Variants in LIPC observed in about 807,000 individuals in gnomAD.
LIPC encodes the protein lipase C, hepatic type.
Under a neutral mutation model 50.7 loss-of-function variants are expected in LIPC, and 44 were observed. The ratio of observed to expected loss-of-function variants is 0.87; its 90% CI spans 0.68 to 1.11. The LOEUF (loss-of-function observed/expected upper bound fraction) is 1.11. Among genes scored for constraint, LIPC ranks in the 50% most tolerant of loss-of-function variants. The probability of loss-of-function intolerance (pLI) is 0.00; values close to 1 mark genes in which losing one functional copy is unlikely to be tolerated. For synonymous variants in LIPC, 271 were observed against 256.4 expected, an observed-to-expected ratio of 1.06 and a Z score of -0.54; for missense variants, 697 against 648.2, an observed-to-expected ratio of 1.08 and a Z score of -0.82.
chr15:58,463,943 A>T (rs1158276991), intron 1 of LIPC, among the ~76,000 whole-genome samples: 1 of 152,230 alleles, frequency 6.6e-6, no homozygotes, highest in Non-Finnish European at 1.5e-5. Flanking sequence ...CTTTTAACAG[A>T]TAGTTACATT....
At chr15:58,436,855 A>T (rs1893315328) in intron 1 of LIPC, 1 of 456,322 alleles carries the variant, frequency 2.2e-6, no homozygotes, top group Non-Finnish European at 4.4e-6. Flanking sequence ...TAGCAGAGGT[A>T]CACAGCTGAT....
Position 58,467,619 on chromosome 15 carries a change from G to A in LIPC, c.88+35499G>A, listed in dbSNP as rs550269689. Among the ~76,000 whole-genome samples, 5 of 152,140 alleles carry A rather than the reference G, an allele frequency of 3.3e-5. No homozygotes were observed. In the South Asian group the frequency reaches 6.2e-4, roughly 19 times the overall value. ...CTGGCCTTCCTGCCGACATTTGCTC[G>A]GCTACTTTTTCCTCCTAATTAATGC... On this transcript the variant is annotated intron_variant, in intron 1 of 8. Transcript: ENST00000299022.
chr15:58,503,887 G>A lies in LIPC; in HGVS notation c.89-34446G>A, dbSNP rs1416896995. Among the ~76,000 whole-genome samples the A allele has an allele frequency of 4.7e-5, 7 of 147,800 alleles. No homozygotes were observed. The South Asian group carries it at 1.2e-3, about 26-fold the overall frequency. On this transcript the variant is annotated intron_variant, in intron 1 of 8. Transcript: ENST00000299022. Reference sequence around the variant, plus strand: ...CCACACCAGGGTGGACTTTTTATATGTACATACACACCCACACACCCACAC... The same window carrying A: ...CCACACCAGGGTGGACTTTTTATATATACATACACACCCACACACCCACAC...
At chr15:58,495,433 T>A (rs1403658365) in intron 1 of LIPC, among the ~76,000 whole-genome samples, 1 of 152,218 alleles carries the variant, frequency 6.6e-6, no homozygotes, top group African/African-American at 2.4e-5. Flanking sequence ...TGGCAGGACT[T>A]AACCATATGC....
chr15:58,492,706 C>T (rs764381104), intron 1 of LIPC, among the ~76,000 whole-genome samples: 14 of 152,166 alleles, frequency 9.2e-5, no homozygotes, highest in Admixed American at 7.2e-4. Flanking sequence ...CCAATCTCCA[C>T]CTGGTGCCTG....
chr15:58,535,371 T>C (rs765390279), intron 1 of LIPC, among the ~76,000 whole-genome samples: 2 of 152,204 alleles, frequency 1.3e-5, no homozygotes, highest in African/African-American at 2.4e-5. Flanking sequence ...CATACCTGTA[T>C]ACAGTATACA....
chr15:58,470,761 A>T (rs185744026), intron 1 of LIPC, among the ~76,000 whole-genome samples: 1 of 152,034 alleles, frequency 6.6e-6, no homozygotes, highest in African/African-American at 2.4e-5. Context: ...CACCACACAC[A>T]GCTAATTTTT....
intron 1 of LIPC, among the ~76,000 whole-genome samples, chr15:58,447,313 C>T (rs907435231): frequency 1.3e-5 from 2 of 152,148 alleles, no homozygotes; most frequent in African/African-American, 4.8e-5. Context: ...GCTCTGAAAT[C>T]GCTTGGACTC....
chr15:58,533,409 A>G (rs1372197947), intron 1 of LIPC, among the ~76,000 whole-genome samples: 3 of 152,252 alleles, frequency 2.0e-5, no homozygotes, highest in African/African-American at 7.2e-5. Flanking sequence ...ATATGTATAT[A>G]TAAAGAGATA....
chr15:58,515,450 T>C (rs1464134076), intron 1 of LIPC, among the ~76,000 whole-genome samples: 3 of 152,040 alleles, frequency 2.0e-5, no homozygotes, highest in Non-Finnish European at 4.4e-5. Flanking sequence ...TCATAACTCA[T>C]AACCTCCTCC....
chr15:58,476,537 G>C (rs1453572937), intron 1 of LIPC, among the ~76,000 whole-genome samples: 1 of 152,224 alleles, frequency 6.6e-6, no homozygotes, highest in Non-Finnish European at 1.5e-5. Context: ...CACCATTTTA[G>C]TTACTCACAT....
intron 1 of LIPC, chr15:58,494,945 T>C (rs1891716036): frequency 1.8e-5 from 8 of 448,880 alleles, no homozygotes; most frequent in Middle Eastern, 3.3e-4. Context: ...CTATCACAGG[T>C]TCCAAAACAC....
intron 1 of LIPC, among the ~76,000 whole-genome samples, chr15:58,461,582 AT>A (rs34329800): frequency 4.8e-3 from 682 of 140,736 alleles, no homozygotes; most frequent in African/African-American, 8.8e-3. Flanking sequence ...CTAATTTTTG[AT>A]TTTTTTTTTT....
At chr15:58,445,334 T>C (rs1354987848) in intron 1 of LIPC, among the ~76,000 whole-genome samples, 2 of 152,224 alleles carry the variant, frequency 1.3e-5, no homozygotes, top group Non-Finnish European at 2.9e-5. Context: ...CCTCTGGCTT[T>C]GAGAGGTATT....
Position 58,501,294 on chromosome 15 carries a change from T to C in LIPC, c.89-37039T>C, listed in dbSNP as rs185763765. On this transcript the variant is annotated intron_variant, in intron 1 of 8. Transcript: ENST00000299022. ...TTTAAGGTGGCTCAGCCTATGTATA[T>C]TCACATGTCTCCACCTACTCCCAAT... Among the ~76,000 whole-genome samples, 19 of 151,974 alleles carry C rather than the reference T, an allele frequency of 1.3e-4. No individual in the cohort carries two copies. The South Asian group carries it at 3.3e-3, about 27-fold the overall frequency.
Position 58,487,097 on chromosome 15 carries a change from G to A in LIPC, c.89-51236G>A, listed in dbSNP as rs558372801. Among the ~76,000 whole-genome samples, 5 of 152,264 alleles carry A rather than the reference G, an allele frequency of 3.3e-5. No individual in the cohort carries two copies. In the East Asian group the frequency reaches 9.6e-4, roughly 29 times the overall value. ...ACCTGGTCCCTAAACTTAAGAAAAT[G>A]CCTTTATCTGGTAATCAACTGGGAA... On this transcript the variant is annotated intron_variant, in intron 1 of 8. Transcript: ENST00000299022.
chr15:58,498,316 T>C (rs1777449005), intron 1 of LIPC, among the ~76,000 whole-genome samples: 1 of 152,144 alleles, frequency 6.6e-6, no homozygotes, highest in African/African-American at 2.4e-5. Flanking sequence ...GGACTTACAA[T>C]CTGCATTTCT....
chr15:58,563,007 C>T (rs1894218460), intron 7 of LIPC, among the ~76,000 whole-genome samples: 1 of 152,220 alleles, frequency 6.6e-6, no homozygotes, highest in African/African-American at 2.4e-5. Flanking sequence ...AAATCTTGCT[C>T]TAAATCGGTG....
intron 1 of LIPC, among the ~76,000 whole-genome samples, chr15:58,530,406 T>C (rs1159183158): frequency 1.3e-5 from 2 of 152,334 alleles, no homozygotes; most frequent in South Asian, 2.1e-4. Context: ...AGAAACAGCC[T>C]GTCCTCTCAG....
Sources: allele counts gnomAD v4.1 joint callset (sites outside exome capture counted in the v4.1 genomes callset), GRCh38; gene constraint gnomAD v4.1.1; transcripts MANE v1.5; gene names NCBI Gene and HGNC (gene_info 2026-07-23, HGNC 2026-07-21).